Variants in TSPAN7 observed in about 807,000 individuals in gnomAD.
The protein encoded by TSPAN7 is tetraspanin 7, also known as tetraspanin-7.
Under a neutral mutation model 17.6 loss-of-function variants are expected in TSPAN7, and 1 was observed. The ratio of observed to expected loss-of-function variants is 0.06; its 90% CI spans 0.02 to 0.27. The LOEUF is 0.27. Among genes scored for constraint, TSPAN7 ranks in the 10% least tolerant of loss-of-function variants. The pLI is 1.00. For missense variants in TSPAN7, 112 were observed against 201.7 expected (o/e 0.56, Z 2.69); for synonymous variants, 78 against 79.0 (o/e 0.99, Z 0.07).
In TSPAN7 at chrX:38,585,410, G is replaced by A. The variant is rs192374936; in HGVS notation, c.81+23783G>A. ...GTTGCCCATTCTTATATCAGTTTCT[G>A]GGCCATATTTCATTTTCCCATAAGA... On this transcript the variant is annotated intron_variant, in intron 1 of 7. Transcript: ENST00000378482. Among the ~76,000 whole-genome samples, 218 of 110,782 alleles carry A rather than the reference G, an allele frequency of 2.0e-3. 2 individuals carry two copies. Among genetic ancestry groups the A allele is most frequent in the African/African-American group, 7.0e-3 (213 of 30,508 alleles).
intron 3 of TSPAN7, 55 bp from the exon 4 acceptor site, chrX:38,674,166 G>A (rs180682082): frequency 7.0e-4 from 643 of 924,497 alleles, no homozygotes; most frequent in Non-Finnish European, 8.7e-4. Flanking sequence ...GGTAAGAATT[G>A]GAGTCAGTTT....
At chrX:38,574,656 T>C (rs1474575113) in intron 1 of TSPAN7, among the ~76,000 whole-genome samples, 4 of 111,460 alleles carry the variant, frequency 3.6e-5, no homozygotes, top group Non-Finnish European at 5.7e-5. Context: ...GTTTTTAATG[T>C]ATTTCCCAAT....
chrX:38,641,060 G>A (rs1206748595), intron 1 of TSPAN7, among the ~76,000 whole-genome samples: 1 of 112,518 alleles, frequency 8.9e-6, no homozygotes, highest in Non-Finnish European at 1.9e-5. Context: ...TGCCTGGTCA[G>A]ATTAAAAGCC....
At chrX:38,610,337 G>A (rs1367809598) in intron 1 of TSPAN7, among the ~76,000 whole-genome samples, 1 of 112,016 alleles carries the variant, frequency 8.9e-6, no homozygotes, top group African/African-American at 3.2e-5. Context: ...TCAAGATTCT[G>A]TGCTCTTAAT....
intron 1 of TSPAN7, among the ~76,000 whole-genome samples, chrX:38,606,060 A>T (rs1468031789): frequency 2.8e-5 from 3 of 108,302 alleles, no homozygotes; most frequent in Non-Finnish European, 3.8e-5. Context: ...AATTGACAAA[A>T]GGGATCTAAT....
intron 1 of TSPAN7, among the ~76,000 whole-genome samples, chrX:38,655,695 G>A (rs5917613): frequency 0.44 from 48,508 of 109,878 alleles, 8,406 homozygotes; most frequent in East Asian, 0.93. Context: ...GAGTTCTTCA[G>A]ACCAACCCAC....
At chrX:38,601,864 A>G (rs992341800) in intron 1 of TSPAN7, among the ~76,000 whole-genome samples, 1 of 111,507 alleles carries the variant, frequency 9.0e-6, no homozygotes, top group Non-Finnish European at 1.9e-5. Flanking sequence ...GTGGCACACT[A>G]CATTCTCTCC....
chrX:38,687,872 T>C, intron 7 of TSPAN7, 67 bp from the exon 8 acceptor site: 1 of 339,523 alleles, frequency 2.9e-6, no homozygotes, highest in African/African-American at 2.6e-5. Flanking sequence ...AAATGCTTTT[T>C]TCAGCTTGTT....
At chrX:38,678,382 G>T (rs955419339) in intron 5 of TSPAN7, among the ~76,000 whole-genome samples, 2 of 112,351 alleles carry the variant, frequency 1.8e-5, no homozygotes, top group Non-Finnish European at 3.8e-5. Flanking sequence ...ATTTAGACGT[G>T]CTGAGAGAGT....
At chrX:38,666,396 G>A in intron 2 of TSPAN7, 87 bp downstream of exon 2, 2 of 985,223 alleles carry the variant, frequency 2.0e-6, no homozygotes, top group Non-Finnish European at 2.8e-6. Flanking sequence ...TTCGTCTTGA[G>A]GTCACAGACA....
intron 1 of TSPAN7, among the ~76,000 whole-genome samples, chrX:38,603,437 C>G (rs1341171296): frequency 1.8e-5 from 2 of 112,049 alleles, no homozygotes; most frequent in East Asian, 5.6e-4. Flanking sequence ...AAACATATTT[C>G]CTTACAAACA....
intron 1 of TSPAN7, among the ~76,000 whole-genome samples, chrX:38,562,574 G>GGGAGGAGGA (rs1353903213): frequency 9.7e-6 from 1 of 102,998 alleles, no homozygotes; most frequent in Non-Finnish European, 2.0e-5. Flanking sequence ...GAGGAGGAGG[G>GGGAGGAGGA]GGAGGAGGAG....
intron 1 of TSPAN7, among the ~76,000 whole-genome samples, chrX:38,615,170 T>G (rs1433570423): frequency 4.5e-5 from 5 of 111,239 alleles, no homozygotes; most frequent in Admixed American, 9.5e-5. Context: ...CCTCGAGTGT[T>G]GAGGGGTGTT....
At chrX:38,624,248 G>A (rs1190159713) in intron 1 of TSPAN7, among the ~76,000 whole-genome samples, 1 of 110,445 alleles carries the variant, frequency 9.1e-6, no homozygotes, top group Non-Finnish European at 1.9e-5. Flanking sequence ...AGTAAGCTAT[G>A]GCCCCCCCAC....
At chrX:38,681,380 G>A (rs1217950069) in intron 6 of TSPAN7, 93 bp downstream of exon 6, 2 of 761,417 alleles carry the variant, frequency 2.6e-6, no homozygotes, top group Admixed American at 2.2e-5. Context: ...TGTGCTTTGG[G>A]AAAAGCTGAT....
intron 1 of TSPAN7, among the ~76,000 whole-genome samples, chrX:38,615,884 T>C (rs766609709): frequency 2.7e-5 from 3 of 111,434 alleles, no homozygotes; most frequent in Admixed American, 1.9e-4. Context: ...GATTTTGGGG[T>C]CACCATCACT....
chrX:38,663,496 G>A lies in TSPAN7; in HGVS notation c.82-2625G>A, dbSNP rs1265033895. Among the ~76,000 whole-genome samples the A allele has an allele frequency of 5.4e-5, 6 of 111,683 alleles. No individual in the cohort carries two copies. In the South Asian group the frequency reaches 1.5e-3, roughly 28 times the overall value. ...GTGCACCAAAATCTCAGAAATCACC[G>A]CTAAAGAATTTATTCATCTAACCAA... On this transcript the variant is annotated intron_variant, in intron 1 of 7. Transcript: ENST00000378482.
intron 1 of TSPAN7, among the ~76,000 whole-genome samples, chrX:38,628,087 G>A (rs1248731312): frequency 8.8e-6 from 1 of 113,076 alleles, no homozygotes; most frequent in East Asian, 2.8e-4. Flanking sequence ...CAGAGTTCTA[G>A]ATCCTATTGT....
chrX:38,649,284 G>T lies in TSPAN7; in HGVS notation c.82-16837G>T, dbSNP rs368609203. ...ACTTGCTGAGCTCACAAGTCAGAAGGGGGGTGGTGGTTCAAGAGGTGTGGT... is the reference window on the plus strand; with the variant it reads ...ACTTGCTGAGCTCACAAGTCAGAAGTGGGGTGGTGGTTCAAGAGGTGTGGT... On this transcript the variant is annotated intron_variant, in intron 1 of 7. Transcript: ENST00000378482. 7.2e-5 allele frequency among the ~76,000 whole-genome samples: 8 copies of T among 111,652 alleles called. No individual in the cohort carries two copies. The East Asian group carries it at 1.4e-3, about 20-fold the overall frequency.
Sources: gnomAD v4.1 joint callset for allele counts (sites outside exome capture counted in the v4.1 genomes callset) on GRCh38, gnomAD v4.1.1 for gene constraint, MANE v1.5 for transcripts, NCBI Gene and HGNC (gene_info 2026-07-23, HGNC 2026-07-21) for gene names.